Variants in ACYP2 observed in about 807,000 individuals in gnomAD.
ACYP2 encodes the protein acylphosphatase-2.
A neutral mutation model predicts 11.2 loss-of-function variants in ACYP2; 12 were observed. The ratio of observed to expected loss-of-function variants is 1.08; its 90% CI spans 0.69 to 1.74. ACYP2 has a LOEUF of 1.74. Ranked by LOEUF, ACYP2 falls within the 40% of genes most tolerant of loss-of-function variation. The pLI is 0.00. For synonymous variants in ACYP2, 43 were observed against 32.2 expected (o/e 1.33, Z -1.13); for missense variants, 134 against 101.9 (o/e 1.31, Z -1.35).
chr2:54,235,653 C>G (rs1424870406), intron 6 of ACYP2, among the ~76,000 whole-genome samples: 1 of 152,058 alleles, frequency 6.6e-6, no homozygotes, highest in African/African-American at 2.4e-5. Flanking sequence ...CCTGGCCAAC[C>G]TATAGGGTTT....
chr2:54,145,800 A>C (rs139456977), intron 6 of ACYP2, among the ~76,000 whole-genome samples: 13 of 152,318 alleles, frequency 8.5e-5, no homozygotes, highest in Non-Finnish European at 1.6e-4. Context: ...TATATCCATC[A>C]ATATGTATTC....
intron 4 of ACYP2, among the ~76,000 whole-genome samples, chr2:54,132,773 C>G (rs1011847210): frequency 7.0e-6 from 1 of 142,552 alleles, no homozygotes; most frequent in Admixed American, 7.2e-5. Flanking sequence ...GAGACTGAGT[C>G]TCGCTCTGTT....
chr2:54,268,612 G>A (rs1688139343), intron 6 of ACYP2, among the ~76,000 whole-genome samples: 1 of 149,640 alleles, frequency 6.7e-6, no homozygotes, highest in Admixed American at 6.7e-5. Flanking sequence ...AACCAGCCTG[G>A]GCAACATAGT....
At chr2:54,059,603 A>G (rs947661352) in intron 4 of ACYP2, among the ~76,000 whole-genome samples, 8 of 152,134 alleles carry the variant, frequency 5.3e-5, no homozygotes, top group East Asian at 1.9e-4. Flanking sequence ...CAGATAATCT[A>G]TTTGTGGTCT....
intron 2 of ACYP2, among the ~76,000 whole-genome samples, chr2:53,994,233 G>A (rs1238120987): frequency 6.7e-6 from 1 of 149,848 alleles, no homozygotes; most frequent in African/African-American, 2.5e-5. Context: ...GGAAGGCTGA[G>A]GCAGGAGAAT....
Position 54,102,606 on chromosome 2 carries a change from A to G in ACYP2, c.278-32847A>G, listed in dbSNP as rs181725889. On this transcript the variant is annotated intron_variant, in intron 4 of 6. Coordinates refer to ENST00000607452, the MANE Select transcript of ACYP2 (RefSeq NM_001320586.2). Reference sequence around the variant, plus strand: ...ATTAATCAGAGCTCATTTAAGTGCCATGATAGAAACCCAATTTAAGCTGGC... The same window carrying G: ...ATTAATCAGAGCTCATTTAAGTGCCGTGATAGAAACCCAATTTAAGCTGGC... Among the ~76,000 whole-genome samples, 12 of 140,682 alleles carry G rather than the reference A, an allele frequency of 8.5e-5. No homozygotes were observed. In the East Asian group the frequency reaches 2.6e-3, roughly 30 times the overall value. 92.3% of individuals were successfully genotyped at this position (140,682 alleles called of 152,430 possible). A position where few individuals can be genotyped will look rare whatever the true frequency, so the allele number is the denominator to read the frequency against.
chr2:54,017,276 T>TC (rs1463460948), intron 2 of ACYP2, among the ~76,000 whole-genome samples: 68 of 140,218 alleles, frequency 4.8e-4, no homozygotes, highest in South Asian at 4.0e-3. Flanking sequence ...TCTTTTCTTT[T>TC]TTTTTTTTTT....
At chr2:53,972,652 G>C (rs546389091) in intron 1 of ACYP2, among the ~76,000 whole-genome samples, 22 of 152,288 alleles carry the variant, frequency 1.4e-4, no homozygotes, top group Non-Finnish European at 2.8e-4. Flanking sequence ...AAATGGGTTG[G>C]AACTGACAAG....
intron 6 of ACYP2, among the ~76,000 whole-genome samples, chr2:54,223,694 A>T (rs1685890828): frequency 6.6e-6 from 1 of 152,172 alleles, no homozygotes; most frequent in African/African-American, 2.4e-5. Flanking sequence ...TCAGTGGGAG[A>T]AATCTGAGTA....
intron 6 of ACYP2, among the ~76,000 whole-genome samples, chr2:54,270,578 G>A (rs1688250215): frequency 6.6e-6 from 1 of 152,070 alleles, no homozygotes; most frequent in African/African-American, 2.4e-5. Context: ...CTACACTCCA[G>A]CCTGGGTGAC....
At chr2:53,992,377 A>C (rs1672343353) in intron 2 of ACYP2, among the ~76,000 whole-genome samples, 1 of 152,206 alleles carries the variant, frequency 6.6e-6, no homozygotes, top group African/African-American at 2.4e-5. Context: ...TAAACTTTCA[A>C]AAGATCTCTC....
At chr2:54,201,774 G>C (rs1026458014) in intron 6 of ACYP2, among the ~76,000 whole-genome samples, 2 of 149,692 alleles carry the variant, frequency 1.3e-5, no homozygotes, top group Non-Finnish European at 3.0e-5. Context: ...CAGTGGCACA[G>C]TCTCAGTCAC....
At chr2:54,285,971 CT>C (rs1295152669) in intron 6 of ACYP2, among the ~76,000 whole-genome samples, 2 of 152,242 alleles carry the variant, frequency 1.3e-5, no homozygotes, top group East Asian at 1.9e-4. Context: ...TTCAGGCTTC[CT>C]TTATATGATA....
chr2:54,235,738 G>A (rs1394815058), intron 6 of ACYP2, among the ~76,000 whole-genome samples: 2 of 152,118 alleles, frequency 1.3e-5, no homozygotes, highest in African/African-American at 2.4e-5. Flanking sequence ...TTCTTGTGCT[G>A]TTAGTTTTTA....
intron 2 of ACYP2, among the ~76,000 whole-genome samples, chr2:54,020,166 A>G (rs1225389726): frequency 1.3e-5 from 2 of 151,988 alleles, no homozygotes; most frequent in African/African-American, 4.8e-5. Flanking sequence ...CGAATTCCTG[A>G]TCTCAGGTGA....
At chr2:54,159,372 C>CT (rs768866580) in intron 6 of ACYP2, among the ~76,000 whole-genome samples, 3,002 of 113,456 alleles carry the variant, frequency 0.026, 95 homozygotes, top group African/African-American at 0.076. Flanking sequence ...TTTTAGGATG[C>CT]TTTTTTTTTT....
chr2:54,260,193 A>C (rs1687717583), intron 6 of ACYP2, among the ~76,000 whole-genome samples: 1 of 152,116 alleles, frequency 6.6e-6, no homozygotes, highest in Admixed American at 6.5e-5. Flanking sequence ...AACAGGTAGA[A>C]GTGATAGTGA....
At chr2:54,235,326 C>T (rs982261864) in intron 6 of ACYP2, among the ~76,000 whole-genome samples, 1 of 151,632 alleles carries the variant, frequency 6.6e-6, no homozygotes, top group Admixed American at 6.6e-5. Flanking sequence ...GTGAAACCTC[C>T]TAGACTCACA....
intron 2 of ACYP2, among the ~76,000 whole-genome samples, chr2:54,042,381 G>A (rs955456109): frequency 6.6e-6 from 1 of 152,176 alleles, no homozygotes; most frequent in Non-Finnish European, 1.5e-5. Context: ...AGCTATAAAC[G>A]TTGCTCTTGG....
Sources: allele counts gnomAD v4.1 joint callset (sites outside exome capture counted in the v4.1 genomes callset), GRCh38; gene constraint gnomAD v4.1.1; transcripts MANE v1.5; gene names NCBI Gene and HGNC (gene_info 2026-07-23, HGNC 2026-07-21).